Variants in ANXA4 observed in about 807,000 individuals in gnomAD.
ANXA4 encodes the protein 35-beta calcimedin.
Under a neutral mutation model 49.8 loss-of-function variants are expected in ANXA4, and 39 were observed. The observed-to-expected ratio is 0.78, with a 90% CI of 0.61 to 1.02. The LOEUF (loss-of-function observed/expected upper bound fraction) is 1.02. ANXA4 is among the 50% of genes least tolerant of loss of function. The pLI, the probability that ANXA4 is intolerant of heterozygous loss-of-function variation, is 0.00. For synonymous variants in ANXA4, 134 were observed against 152.5 expected (o/e 0.88, Z 0.89); for missense variants, 360 against 410.1 (o/e 0.88, Z 1.05).
chr2:69,767,288 A>G (rs1185488757), intron 1 of ANXA4, among the ~76,000 whole-genome samples: 1 of 152,234 alleles, frequency 6.6e-6, no homozygotes, highest in Non-Finnish European at 1.5e-5. Flanking sequence ...GTGCTAAAAT[A>G]AACATAACCA....
chr2:69,692,234 C>G (rs1469524294), intron 2 of ANXA4, among the ~76,000 whole-genome samples: 1 of 152,124 alleles, frequency 6.6e-6, no homozygotes, highest in Non-Finnish European at 1.5e-5. Flanking sequence ...TCAGGTGAAA[C>G]CACAGTAAGG....
chr2:69,645,984 A>G (rs1049218455), intron 1 of ANXA4, among the ~76,000 whole-genome samples: 27 of 152,230 alleles, frequency 1.8e-4, no homozygotes, highest in African/African-American at 6.3e-4. Context: ...TTTTAGTTTC[A>G]AAGCCCAGTT....
intron 2 of ANXA4, among the ~76,000 whole-genome samples, chr2:69,714,184 C>T (rs777168235): frequency 3.3e-5 from 5 of 152,164 alleles, no homozygotes; most frequent in African/African-American, 1.2e-4. Context: ...CTGACAAGCC[C>T]TAGCTCTTTC....
intron 2 of ANXA4, among the ~76,000 whole-genome samples, chr2:69,705,646 T>A (rs1389555447): frequency 6.7e-6 from 1 of 149,518 alleles, no homozygotes; most frequent in Non-Finnish European, 1.5e-5. Flanking sequence ...AAGCACATAC[T>A]TCTGGCTGGG....
chr2:69,704,050 G>C (rs114559325), intron 2 of ANXA4, among the ~76,000 whole-genome samples: 4,190 of 151,536 alleles, frequency 0.028, 76 homozygotes, highest in Non-Finnish European at 0.043. Flanking sequence ...ATTCTTTCTT[G>C]TTTATTTCTA....
At chr2:69,691,775 A>G (rs1295132509) in intron 2 of ANXA4, among the ~76,000 whole-genome samples, 1 of 152,202 alleles carries the variant, frequency 6.6e-6, no homozygotes, top group African/African-American at 2.4e-5. Flanking sequence ...GCAGCGTAGA[A>G]GCAGCTGGCA....
At chr2:69,723,024 T>A (rs58435173) in intron 3 of ANXA4, among the ~76,000 whole-genome samples, 49,165 of 142,668 alleles carry the variant, frequency 0.34, 10,729 homozygotes, top group African/African-American at 0.62. Flanking sequence ...TACCAAAAAA[T>A]ATATATATAT....
chr2:69,801,580 T>A (rs1236877275), intron 3 of ANXA4, among the ~76,000 whole-genome samples: 1 of 152,006 alleles, frequency 6.6e-6, no homozygotes, highest in African/African-American at 2.4e-5. Flanking sequence ...AACTTTTATA[T>A]TTTAATAGAG....
intron 2 of ANXA4, among the ~76,000 whole-genome samples, chr2:69,716,851 T>G (rs939751319): frequency 1.3e-5 from 2 of 152,190 alleles, no homozygotes; most frequent in East Asian, 3.8e-4. Flanking sequence ...TCCAGTAGGT[T>G]TACTAAAAGA....
At chr2:69,696,986 G>A (rs1678180458) in intron 2 of ANXA4, among the ~76,000 whole-genome samples, 1 of 152,104 alleles carries the variant, frequency 6.6e-6, no homozygotes, top group South Asian at 2.1e-4. Context: ...TTTCCAGAAT[G>A]GTAAATGAGC....
intron 12 of ANXA4, among the ~76,000 whole-genome samples, chr2:69,821,047 TCAGA>T (rs963800475): frequency 3.3e-5 from 5 of 152,206 alleles, no homozygotes; most frequent in South Asian, 2.1e-4. Flanking sequence ...TATGTTGACC[TCAGA>T]CAAAGATTAC....
chr2:69,794,664 G>A (rs559050279), intron 3 of ANXA4, among the ~76,000 whole-genome samples: 4 of 152,176 alleles, frequency 2.6e-5, no homozygotes, highest in African/African-American at 9.6e-5. Context: ...CCGAGTTCAC[G>A]CCATTCTCTT....
chr2:69,674,096 G>C (rs1265247520), intron 2 of ANXA4: 1 of 152,262 alleles, frequency 6.6e-6, no homozygotes, highest in Admixed American at 6.5e-5. Context: ...TTGTTGAATT[G>C]ATCCAAGCCA....
intron 3 of ANXA4, among the ~76,000 whole-genome samples, chr2:69,724,458 G>A (rs923109457): frequency 7.9e-5 from 12 of 152,174 alleles, no homozygotes; most frequent in African/African-American, 2.4e-4. Context: ...GTACAAATAC[G>A]TCAGGCAGGT....
rs190257793 is a variant in ANXA4, at chr2:69,711,164, T to C, written n.767-9610T>C. On this transcript the variant is annotated intron_variant and non_coding_transcript_variant, in intron 2 of 3. Coordinates refer to the ANXA4 transcript ENST00000418066. ...GGTCAACATGGTGAAACTCTGTCTC[T>C]ATTAAAAATACAAAAATGAGCTGGG... is the stretch of plus-strand genomic sequence containing the variant. 1.1e-3 allele frequency among the ~76,000 whole-genome samples: 164 copies of C among 152,262 alleles called. 1 individual carries two copies. Among genetic ancestry groups the C allele is most frequent in the Middle Eastern group, 6.8e-3 (2 of 292 alleles).
intron 2 of ANXA4, among the ~76,000 whole-genome samples, chr2:69,668,026 A>C (rs189712233): frequency 1.1e-4 from 16 of 152,316 alleles, no homozygotes; most frequent in African/African-American, 3.8e-4. Flanking sequence ...ATGTCTGATA[A>C]CATTCCATTG....
intron 6 of ANXA4, 135 bp downstream of exon 6, chr2:69,808,131 T>C: frequency 2.5e-6 from 2 of 784,374 alleles, no homozygotes; most frequent in Admixed American, 2.4e-5. Flanking sequence ...CAAGCTCTGC[T>C]TCGAGGGAGA....
At chr2:69,682,214 T>G (rs568725137) in intron 2 of ANXA4, among the ~76,000 whole-genome samples, 13 of 152,294 alleles carry the variant, frequency 8.5e-5, no homozygotes, top group Admixed American at 3.9e-4. Context: ...TCTTCCTACT[T>G]TTTTGATGTA....
intron 2 of ANXA4, among the ~76,000 whole-genome samples, chr2:69,714,634 G>A (rs1403098531): frequency 6.6e-6 from 1 of 152,198 alleles, no homozygotes; most frequent in Non-Finnish European, 1.5e-5. Context: ...ATGGGAGAGG[G>A]CCTGCGTTGG....
Sources: allele counts gnomAD v4.1 joint callset (sites outside exome capture counted in the v4.1 genomes callset), GRCh38; gene constraint gnomAD v4.1.1; transcripts MANE v1.5; gene names NCBI Gene and HGNC (gene_info 2026-07-23, HGNC 2026-07-21).